The following ATP11A variants were observed in gnomAD, a reference collection of about 807,000 sequenced individuals.
ATP11A encodes phospholipid-transporting ATPase IH.
Under a neutral mutation model 154.4 loss-of-function variants are expected in ATP11A, and 81 were observed. That is an observed-to-expected ratio of 0.52 (90% CI 0.44 to 0.63). The LOEUF is 0.63. Among genes scored for constraint, ATP11A ranks in the 30% least tolerant of loss-of-function variants. ATP11A has a pLI of 0.00. For synonymous variants in ATP11A, 623 were observed against 585.9 expected, an observed-to-expected ratio of 1.06 and a Z score of -0.91; for missense variants, 1,316 against 1,474.3, an observed-to-expected ratio of 0.89 and a Z score of 1.76.
intron 1 of ATP11A, among the ~76,000 whole-genome samples, chr13:112,728,946 C>T (rs912139124): frequency 2.0e-5 from 3 of 152,144 alleles, no homozygotes; most frequent in African/African-American, 7.2e-5. Flanking sequence ...CCACCGTGGC[C>T]CTGGTGCATG....
chr13:112,869,539 C>T lies in ATP11A; in HGVS notation c.2992-2196C>T, dbSNP rs142794608. On this transcript the variant is annotated intron_variant, in intron 25 of 29. Transcript: ENST00000375645. ...TGACACACACTGCTTCACAGGGCACCCTTGAGTTCATGTCTTGCTGCCATC... is the reference window on the plus strand; with the variant it reads ...TGACACACACTGCTTCACAGGGCACTCTTGAGTTCATGTCTTGCTGCCATC... 1.6e-3 allele frequency among the ~76,000 whole-genome samples: 238 copies of T among 152,314 alleles called. 1 individual carries two copies. The highest frequency in any genetic ancestry group is 2.3e-3 in the Non-Finnish European group (157 of 68,020).
chr13:112,710,536 G>A (rs1051337624), intron 1 of ATP11A, among the ~76,000 whole-genome samples: 31 of 152,238 alleles, frequency 2.0e-4, no homozygotes, highest in Admixed American at 2.0e-4. Context: ...GAAGGAAGGA[G>A]CCTGCGGGAG....
intron 17 of ATP11A, among the ~76,000 whole-genome samples, chr13:112,847,731 T>C (rs1172294209): frequency 6.6e-6 from 1 of 152,260 alleles, no homozygotes; most frequent in Non-Finnish European, 1.5e-5. Flanking sequence ...ATGGTTTGGC[T>C]ATTCTGAACC....
chr13:112,710,746 T>C (rs948334279), intron 1 of ATP11A, among the ~76,000 whole-genome samples: 1 of 152,176 alleles, frequency 6.6e-6, no homozygotes, highest in Non-Finnish European at 1.5e-5. Context: ...GTTCCAGTCT[T>C]TGGCAAATGC....
At chr13:112,805,822 A>G (rs2078307629) in intron 3 of ATP11A, among the ~76,000 whole-genome samples, 2 of 152,244 alleles carry the variant, frequency 1.3e-5, no homozygotes, top group Admixed American at 1.3e-4. Context: ...TGTTTTAAGA[A>G]CAGCACTCTA....
chr13:112,852,178 G>GA (rs2079785421), intron 18 of ATP11A, among the ~76,000 whole-genome samples: 1 of 151,788 alleles, frequency 6.6e-6, no homozygotes, highest in Non-Finnish European at 1.5e-5. Context: ...AGGAATGGAA[G>GA]AAAAAAAATG....
rs757038675 is a variant in ATP11A, at chr13:112,862,539, C to T, written c.2955C>T (p.Phe985=). 11 of 1,614,196 alleles carry T rather than the reference C, an allele frequency of 6.8e-6. No individual in the cohort carries two copies. The highest frequency in any genetic ancestry group is 1.6e-4 in the Middle Eastern group (1 of 6,062). Residue 985 remains phenylalanine (F), a synonymous_variant, in exon 25 of 30, where the codon TTC becomes TTT. Coordinates refer to ENST00000375645, the MANE Select transcript of ATP11A (RefSeq NM_015205.3). Reference sequence around the variant, plus strand: ...TGGTGTTCTTCTTTGGTGCTTATTTCGTGTTTGAAAATACAACTGTGACAA... The same window carrying T: ...TGGTGTTCTTCTTTGGTGCTTATTTTGTGTTTGAAAATACAACTGTGACAA... The part of the protein sequence containing the change: ...DALVFFFGAY[F]VFENTTVTSN...
chr13:112,784,705 A>G (rs1385082192), intron 1 of ATP11A, among the ~76,000 whole-genome samples: 3 of 152,008 alleles, frequency 2.0e-5, no homozygotes, highest in Non-Finnish European at 2.9e-5. Flanking sequence ...TGTATTTTTT[A>G]GTAGAGACGG....
chr13:112,860,480 C>T, intron 24 of ATP11A, 66 bp downstream of exon 24: 1 of 1,589,430 alleles, frequency 6.3e-7, no homozygotes, highest in Non-Finnish European at 8.6e-7. Context: ...CTGGCAGTTC[C>T]TTCCAATAGC....
chr13:112,817,931 G>A (rs191530803), intron 6 of ATP11A, among the ~76,000 whole-genome samples: 29 of 152,346 alleles, frequency 1.9e-4, no homozygotes, highest in African/African-American at 6.5e-4. Context: ...TGGGGCTCAC[G>A]TGACTGCACA....
At chr13:112,841,505 G>T (rs545895493) in intron 16 of ATP11A, among the ~76,000 whole-genome samples, 1 of 148,610 alleles carries the variant, frequency 6.7e-6, no homozygotes, top group Non-Finnish European at 1.5e-5. Flanking sequence ...GCCTGGCAGA[G>T]TGCCACGTGG....
chr13:112,863,718 G>GA (rs1566588882), intron 25 of ATP11A, among the ~76,000 whole-genome samples: 4 of 107,890 alleles, frequency 3.7e-5, no homozygotes, highest in East Asian at 3.1e-4. Context: ...TCCCAGCGGG[G>GA]TCCATCACCA....
At chr13:112,864,128 G>GGC in intron 25 of ATP11A, among the ~76,000 whole-genome samples, 1 of 94,716 alleles carries the variant, frequency 1.1e-5, no homozygotes, top group African/African-American at 3.8e-5. Flanking sequence ...ATTCAGTGCA[G>GGC]CACGTGCAGC....
chr13:112,859,206 CGTG>C lies in ATP11A; in HGVS notation c.2668-184_2668-182del, dbSNP rs1170840339. ...CGTTGTCTGTCCTGAGTGGCCAAAA[CGTG>C]GTCACATGTGCATTTCAGTTGCCCC... On this transcript the variant is annotated intron_variant, in intron 22 of 29. Transcript: ENST00000375645. This position sits in a 1 kb window ranked among gnomAD's most constrained non-coding sequence, Gnocchi z 4.3. 3 of 612,490 alleles carry C rather than the reference CGTG, an allele frequency of 4.9e-6. No homozygotes were observed. The highest frequency in any genetic ancestry group is 3.7e-5 in the African/African-American group (2 of 54,592). 37.9% of individuals were successfully genotyped at this position (612,490 alleles called of 1,614,324 possible).
At chr13:112,764,697 G>A (rs2077034477) in intron 1 of ATP11A, among the ~76,000 whole-genome samples, 1 of 152,248 alleles carries the variant, frequency 6.6e-6, no homozygotes. Context: ...CAAAGGGTTT[G>A]TGTCCCCTTG....
chr13:112,766,749 C>G lies in ATP11A; in HGVS notation c.40-18386C>G, dbSNP rs2077086613. The stretch of plus-strand genomic sequence containing the variant: ...TGAAAGCTGCAGCAGGTGCCCAGTT[C>G]TGCAGGAAACAGGCTTTGAACATGG... On this transcript the variant is annotated intron_variant, in intron 1 of 29. Coordinates refer to ENST00000375645, the MANE Select transcript of ATP11A (RefSeq NM_015205.3). Among the ~76,000 whole-genome samples the G allele has an allele frequency of 1.3e-5, 2 of 151,460 alleles. 1 individual carries two copies. Among genetic ancestry groups the G allele is most frequent in the South Asian group, 4.2e-4 (2 of 4,792 alleles).
intron 25 of ATP11A, among the ~76,000 whole-genome samples, chr13:112,869,949 T>C (rs1045886710): frequency 3.3e-5 from 5 of 152,218 alleles, no homozygotes; most frequent in Admixed American, 1.3e-4. Context: ...CGTGGGCCAC[T>C]GTCGTGTGCA....
rs564265543 is a variant in ATP11A at position 112,839,990 on chromosome 13, AC to A, written c.1706-2281del. ...GCTCTGACATCGATTGGGTAGTTTA[AC>A]CCCCGGGCCCTGCTTTTCTATGCTA... On this transcript the variant is annotated intron_variant, in intron 16 of 29. Transcript: ENST00000375645. Among the ~76,000 whole-genome samples the A allele has an allele frequency of 6.1e-3, 926 of 151,870 alleles. 18 individuals carry two copies. Among genetic ancestry groups the A allele is most frequent in the African/African-American group, 0.021 (870 of 41,396 alleles).
At chr13:112,748,394 CT>C (rs1277312723) in intron 1 of ATP11A, among the ~76,000 whole-genome samples, 2 of 151,988 alleles carry the variant, frequency 1.3e-5, no homozygotes, top group Non-Finnish European at 2.9e-5. Flanking sequence ...GAGATGGGAT[CT>C]TGCTCTGTTG....
Sources: gnomAD v4.1 joint callset for allele counts (sites outside exome capture counted in the v4.1 genomes callset) on GRCh38, gnomAD v4.1.1 for gene constraint, Gnocchi (gnomAD v3.1) non-coding constraint, MANE v1.5 for transcripts, NCBI Gene and HGNC (gene_info 2026-07-23, HGNC 2026-07-21) for gene names.